FOXP2: variants seen among roughly 807,000 people sequenced by gnomAD.
FOXP2 encodes the protein forkhead box protein P2.
FOXP2 carries 12 observed loss-of-function variants against 115.8 expected under a neutral mutation model. That is an observed-to-expected ratio of 0.10 (90% CI 0.07 to 0.17). The LOEUF is 0.17. FOXP2 is among the 10% of genes least tolerant of loss of function. FOXP2 has a pLI of 1.00. For synonymous variants in FOXP2, 328 were observed against 297.7 expected, an observed-to-expected ratio of 1.10 and a Z score of -1.05; for missense variants, 629 against 843.5, an observed-to-expected ratio of 0.75 and a Z score of 3.15.
At chr7:114,536,397 CTTTTTTTTTTT>C (rs3997242) in intron 3 of FOXP2, among the ~76,000 whole-genome samples, 8 of 112,372 alleles carry the variant, frequency 7.1e-5, no homozygotes, top group Non-Finnish European at 1.5e-4. Flanking sequence ...TTTTTCTTTT[CTTTTTTTTTTT>C]TTTTTTTTTT....
chr7:114,301,024 G>A (rs1056828940), intron 2 of FOXP2, among the ~76,000 whole-genome samples: 1 of 151,816 alleles, frequency 6.6e-6, no homozygotes, highest in Non-Finnish European at 1.5e-5. Context: ...ATATATTTGA[G>A]ATATATTATT....
At chr7:114,258,135 G>A (rs1189299874) in intron 1 of FOXP2, among the ~76,000 whole-genome samples, 1 of 152,164 alleles carries the variant, frequency 6.6e-6, no homozygotes, top group Admixed American at 6.6e-5. Flanking sequence ...GGCAAAACCA[G>A]AAATACTAGG....
At chr7:114,513,447 T>C (rs889315636) in intron 2 of FOXP2, among the ~76,000 whole-genome samples, 7 of 152,054 alleles carry the variant, frequency 4.6e-5, no homozygotes, top group African/African-American at 1.7e-4. Flanking sequence ...GAAAGCTTTT[T>C]AAAAAAATAG....
At chr7:114,335,046 T>TA (rs1797817022) in intron 2 of FOXP2, among the ~76,000 whole-genome samples, 1 of 149,972 alleles carries the variant, frequency 6.7e-6, no homozygotes, top group South Asian at 2.1e-4. Flanking sequence ...GAGCACTAGA[T>TA]ATGGTTGCAA....
At chr7:114,277,891 G>C (rs1162220068) in intron 1 of FOXP2, among the ~76,000 whole-genome samples, 1 of 151,844 alleles carries the variant, frequency 6.6e-6, no homozygotes, top group Non-Finnish European at 1.5e-5. Flanking sequence ...AGCTGAGCAT[G>C]GTGGCATGTG....
intron 1 of FOXP2, among the ~76,000 whole-genome samples, chr7:114,424,877 T>C (rs990044993): frequency 6.6e-6 from 1 of 151,528 alleles, no homozygotes. Context: ...CTTGCTTTGC[T>C]AGTCCAGCTA....
intron 1 of FOXP2, among the ~76,000 whole-genome samples, chr7:114,150,834 T>C (rs1792510903): frequency 6.6e-6 from 1 of 152,038 alleles, no homozygotes; most frequent in Non-Finnish European, 1.5e-5. Context: ...ACAAGCAGAA[T>C]GTTTTTGATC....
intron 1 of FOXP2, among the ~76,000 whole-genome samples, chr7:114,102,695 AC>A (rs748853040): frequency 1.6e-5 from 1 of 61,608 alleles, no homozygotes; most frequent in Admixed American, 2.0e-4. Flanking sequence ...AACACCACAC[AC>A]CACACACACA....
intron 3 of FOXP2, among the ~76,000 whole-genome samples, chr7:114,624,770 T>C (rs1339646395): frequency 6.6e-6 from 1 of 151,664 alleles, no homozygotes; most frequent in African/African-American, 2.4e-5. Context: ...TTATAATATA[T>C]ATGTTTTTAT....
At chr7:114,109,651 A>C (rs1791214759) in intron 1 of FOXP2, among the ~76,000 whole-genome samples, 1 of 152,156 alleles carries the variant, frequency 6.6e-6, no homozygotes, top group Non-Finnish European at 1.5e-5. Context: ...CATAAATGTA[A>C]GTCAATGTTT....
At chr7:114,232,537 G>A (rs62469197) in intron 1 of FOXP2, among the ~76,000 whole-genome samples, 10,468 of 152,154 alleles carry the variant, frequency 0.069, 490 homozygotes, top group African/African-American at 0.13. Context: ...TAGCAGGCCC[G>A]GCAGGGTGGC....
At chr7:114,642,958 G>A (rs1417304511) in intron 7 of FOXP2, among the ~76,000 whole-genome samples, 1 of 150,250 alleles carries the variant, frequency 6.7e-6, no homozygotes, top group Non-Finnish European at 1.5e-5. Flanking sequence ...ACAGGCGCCC[G>A]CCCCCACGCC....
At chr7:114,399,552 G>A (rs1792828006) in intron 2 of FOXP2, among the ~76,000 whole-genome samples, 1 of 151,878 alleles carries the variant, frequency 6.6e-6, no homozygotes, top group South Asian at 2.1e-4. Context: ...CTTTTTCTGT[G>A]GTATACTTTT....
intron 2 of FOXP2, among the ~76,000 whole-genome samples, chr7:114,355,713 T>C (rs1341803147): frequency 5.9e-5 from 9 of 152,194 alleles, no homozygotes; most frequent in Non-Finnish European, 1.0e-4. Flanking sequence ...TGTGTGTCTG[T>C]ATGGAGCAAA....
chr7:114,570,449 A>T (rs1433793546), intron 3 of FOXP2, among the ~76,000 whole-genome samples: 4 of 151,932 alleles, frequency 2.6e-5, no homozygotes, highest in Non-Finnish European at 5.9e-5. Flanking sequence ...AAGAACAAAT[A>T]ACATCCCATA....
rs1414619239 is a variant in FOXP2, at chr7:114,523,027, T to G, written c.169-11590T>G. Among the ~76,000 whole-genome samples the G allele has an allele frequency of 2.0e-5, 3 of 151,966 alleles. No individual in the cohort carries two copies. The East Asian group carries it at 5.8e-4, about 29-fold the overall frequency. On this transcript the variant is annotated intron_variant, in intron 2 of 16. Transcript: ENST00000350908. Reference sequence around the variant, plus strand: ...AATATAAATGCATTTCTTCTTTCATTTATTTCATTCTTTTAATAGTATTTT... The same window carrying G: ...AATATAAATGCATTTCTTCTTTCATGTATTTCATTCTTTTAATAGTATTTT...
At chr7:114,456,768 A>G in intron 2 of FOXP2, among the ~76,000 whole-genome samples, 1 of 152,186 alleles carries the variant, frequency 6.6e-6, no homozygotes. Context: ...TATGGAAACA[A>G]CTTCAGTGTC....
rs1000632061 is a variant in FOXP2 at position 114,514,140 on chromosome 7, A to G, written c.169-20477A>G. Among the ~76,000 whole-genome samples, 3 of 151,832 alleles carry G rather than the reference A, an allele frequency of 2.0e-5. 1 individual carries two copies. The highest frequency in any genetic ancestry group is 2.0e-4 in the Admixed American group (3 of 15,226). On this transcript the variant is annotated intron_variant, in intron 2 of 16. Coordinates refer to ENST00000350908, the MANE Select transcript of FOXP2 (RefSeq NM_014491.4). ...ACACGCCATAAATATATACAATACT[A>G]TGCTGTATGTATACAAAGTTATATT...
chr7:114,690,422 AG>A lies in FOXP2; in HGVS notation c.*497del. ...TATTGTTTTTAATTTGCACAGGAGT[AG>A]TATCAGAAATTAGTGTCACTGCTTG... On this transcript the variant is annotated 3_prime_UTR_variant, in exon 17 of 17. Coordinates refer to ENST00000350908, the MANE Select transcript of FOXP2 (RefSeq NM_014491.4). 1 of 453,826 alleles carries A rather than the reference AG, an allele frequency of 2.2e-6. No individual in the cohort carries two copies. The highest frequency in any genetic ancestry group is 6.9e-5 in the East Asian group (1 of 14,404). The allele number at this position is 453,826 out of a possible 1,614,324, so 28.1% of individuals were successfully genotyped here.
Sources: gnomAD v4.1 joint callset for allele counts (sites outside exome capture counted in the v4.1 genomes callset) on GRCh38, gnomAD v4.1.1 for gene constraint, MANE v1.5 for transcripts, NCBI Gene and HGNC (gene_info 2026-07-23, HGNC 2026-07-21) for gene names.